The following DNM3 variants were observed in gnomAD, a reference collection of about 807,000 sequenced individuals.
DNM3 encodes the protein dynamin 3.
Under a neutral mutation model 101.6 loss-of-function variants are expected in DNM3, and 47 were observed. The observed-to-expected ratio is 0.46, with a 90% CI of 0.37 to 0.59. The LOEUF (loss-of-function observed/expected upper bound fraction) is 0.59, where lower values mean the gene tolerates loss of function less well. Ranked by LOEUF, DNM3 falls within the 20% of genes least tolerant of loss-of-function variation. The probability of loss-of-function intolerance (pLI) is 0.00; values close to 1 mark genes in which losing one functional copy is unlikely to be tolerated. For synonymous variants in DNM3, 385 were observed against 387.9 expected, an observed-to-expected ratio of 0.99 and a Z score of 0.09; for missense variants, 849 against 1,085.7, an observed-to-expected ratio of 0.78 and a Z score of 3.06.
intron 14 of DNM3, among the ~76,000 whole-genome samples, chr1:172,249,214 A>G: frequency 6.6e-6 from 1 of 152,144 alleles, no homozygotes; most frequent in East Asian, 1.9e-4. Flanking sequence ...GCTAGAGACC[A>G]TCACTGCGCA....
At chr1:171,912,363 T>C (rs2039378994) in intron 1 of DNM3, among the ~76,000 whole-genome samples, 1 of 152,072 alleles carries the variant, frequency 6.6e-6, no homozygotes. Context: ...ATCAAATAAG[T>C]TTCATTAGGG....
At chr1:172,376,472 A>G (rs2068607511) in intron 17 of DNM3, 1 of 152,118 alleles carries the variant, frequency 6.6e-6, no homozygotes, top group Non-Finnish European at 1.5e-5. Context: ...TACACAATAT[A>G]CATACAGAAA....
At chr1:172,394,115 G>A (rs889278894) in intron 20 of DNM3, 6 of 152,186 alleles carry the variant, frequency 3.9e-5, no homozygotes, top group Non-Finnish European at 8.8e-5. Flanking sequence ...GTGAATCAAT[G>A]GTTAATGTCA....
intron 14 of DNM3, among the ~76,000 whole-genome samples, chr1:172,142,747 A>C (rs1012668709): frequency 3.3e-5 from 5 of 151,704 alleles, no homozygotes; most frequent in Non-Finnish European, 7.4e-5. Context: ...AAAAAAAAAA[A>C]AAAAACCCAG....
intron 2 of DNM3, among the ~76,000 whole-genome samples, chr1:171,924,869 G>C (rs754034380): frequency 6.6e-5 from 10 of 151,996 alleles, no homozygotes; most frequent in Non-Finnish European, 1.2e-4. Flanking sequence ...ATTCTTTTGA[G>C]AATTGTCTGT....
chr1:172,058,512 A>T (rs2050847164), intron 10 of DNM3, among the ~76,000 whole-genome samples: 1 of 152,074 alleles, frequency 6.6e-6, no homozygotes, highest in Non-Finnish European at 1.5e-5. Flanking sequence ...ACCACAGTGC[A>T]ATCAAATTAG....
intron 17 of DNM3, chr1:172,366,614 G>A (rs1000609250): frequency 5.9e-5 from 9 of 151,792 alleles, no homozygotes; most frequent in Non-Finnish European, 1.3e-4. Context: ...GCACAAGAAT[G>A]ACATGCAAAT....
chr1:172,364,681 A>G (rs996875768), intron 17 of DNM3, among the ~76,000 whole-genome samples: 6 of 151,868 alleles, frequency 4.0e-5, no homozygotes, highest in East Asian at 1.9e-4. Context: ...GTAATCCCCA[A>G]TGTAGGAGGT....
chr1:171,889,574 C>T (rs2037080330), intron 1 of DNM3, among the ~76,000 whole-genome samples: 1 of 152,184 alleles, frequency 6.6e-6, no homozygotes. Flanking sequence ...TACTCCCTCA[C>T]TCTTGACAGA....
At chr1:172,359,302 G>C (rs2067618336) in intron 17 of DNM3, among the ~76,000 whole-genome samples, 1 of 151,898 alleles carries the variant, frequency 6.6e-6, no homozygotes. Context: ...TGTCTTCTTA[G>C]AAATCTTCTT....
At chr1:172,063,986 C>T (rs917136163) in intron 10 of DNM3, among the ~76,000 whole-genome samples, 2 of 152,026 alleles carry the variant, frequency 1.3e-5, no homozygotes, top group African/African-American at 4.8e-5. Flanking sequence ...TCTTGTATGA[C>T]TATTTATCTG....
At chr1:171,911,767 G>A (rs2039328472) in intron 1 of DNM3, among the ~76,000 whole-genome samples, 1 of 152,108 alleles carries the variant, frequency 6.6e-6, no homozygotes, top group African/African-American at 2.4e-5. Flanking sequence ...GGGTTGACGT[G>A]AGCTGTCTAG....
At chr1:172,322,472 A>G (rs2065763522) in intron 16 of DNM3, among the ~76,000 whole-genome samples, 1 of 152,154 alleles carries the variant, frequency 6.6e-6, no homozygotes, top group Admixed American at 6.5e-5. Context: ...TTTTTAGGCC[A>G]TATGTGAGTT....
At chr1:171,959,806 C>T (rs940423000) in intron 2 of DNM3, among the ~76,000 whole-genome samples, 2 of 151,986 alleles carry the variant, frequency 1.3e-5, no homozygotes, top group Non-Finnish European at 2.9e-5. Context: ...CCATTTACTA[C>T]GGTGAGGTCT....
chr1:172,308,617 A>G (rs776596266), intron 15 of DNM3, 111 bp from the exon 16 acceptor site: 255 of 460,650 alleles, frequency 5.5e-4, no homozygotes, highest in Non-Finnish European at 7.7e-4. Context: ...AGTGACTGTC[A>G]GAAACTGTCC....
chr1:172,364,153 A>G (rs1263853373), intron 17 of DNM3, among the ~76,000 whole-genome samples: 1 of 151,914 alleles, frequency 6.6e-6, no homozygotes, highest in Non-Finnish European at 1.5e-5. Flanking sequence ...TTAATCTCCA[A>G]AGAAACCTAG....
chr1:172,093,621 G>T, intron 13 of DNM3: 1 of 1,311,088 alleles, frequency 7.6e-7, no homozygotes, highest in South Asian at 1.5e-5. Context: ...GTTTTGAAAG[G>T]AGAAGAGGTA....
At chr1:171,871,762 A>G (rs1239551169) in intron 1 of DNM3, among the ~76,000 whole-genome samples, 3 of 151,826 alleles carry the variant, frequency 2.0e-5, no homozygotes, top group African/African-American at 7.3e-5. Context: ...GGAATGTTAG[A>G]TTCTGTGGGT....
chr1:171,877,258 A>T (rs1200304239), intron 1 of DNM3, among the ~76,000 whole-genome samples: 1 of 152,236 alleles, frequency 6.6e-6, no homozygotes, highest in Non-Finnish European at 1.5e-5. Context: ...ACCTGTTGGT[A>T]AGTTAAAGAA....
Sources: allele counts gnomAD v4.1 joint callset (sites outside exome capture counted in the v4.1 genomes callset), GRCh38; gene constraint gnomAD v4.1.1; transcripts MANE v1.5; gene names NCBI Gene and HGNC (gene_info 2026-07-23, HGNC 2026-07-21).